Variants in AGT observed in about 807,000 individuals in gnomAD.
AGT encodes the protein angiotensinogen.
Under a neutral mutation model 28.1 loss-of-function variants are expected in AGT, and 26 were observed. That is an observed-to-expected ratio of 0.92 (90% confidence interval 0.68 to 1.28). The LOEUF (loss-of-function observed/expected upper bound fraction) is 1.28. Among genes scored for constraint, AGT ranks in the 50% most tolerant of loss-of-function variants. The probability of loss-of-function intolerance (pLI) is 0.00; values close to 1 mark genes in which losing one functional copy is unlikely to be tolerated. For synonymous variants in AGT, 259 were observed against 259.6 expected (o/e 1.00, Z 0.02); for missense variants, 596 against 592.3 (o/e 1.01, Z -0.06).
chr1:230,743,991 T>C (rs1173128064), intron 1 of AGT, among the ~76,000 whole-genome samples: 1 of 152,236 alleles, frequency 6.6e-6, no homozygotes, highest in Non-Finnish European at 1.5e-5. Flanking sequence ...TTCAGCAGAT[T>C]GCTCTGCTAA....
chr1:230,721,037 A>G (rs1187793045), intron 1 of AGT, among the ~76,000 whole-genome samples: 6 of 152,256 alleles, frequency 3.9e-5, no homozygotes, highest in Non-Finnish European at 1.5e-5. Context: ...AGTGTGCCCC[A>G]AGCAAGGCCT....
intron 3 of AGT, 66 bp downstream of exon 3, chr1:230,705,867 C>A (rs1663369153): frequency 1.3e-6 from 2 of 1,597,336 alleles, no homozygotes; most frequent in Non-Finnish European, 1.7e-6. Context: ...CTACTCCCCA[C>A]CCCGCCCCCA....
At chr1:230,718,311 A>G (rs1663778903), upstream of AGT, among the ~76,000 whole-genome samples, 2 of 152,124 alleles carry the variant, frequency 1.3e-5, no homozygotes, top group African/African-American at 4.8e-5. Context: ...ATATTTTGAT[A>G]TGAAGATAGT....
intron 3 of AGT, 88 bp from the exon 4 acceptor site, chr1:230,704,425 C>A: frequency 1.3e-6 from 2 of 1,512,976 alleles, no homozygotes; most frequent in Non-Finnish European, 9.0e-7. Context: ...TCCTTGCACC[C>A]AACCCTGACG....
intron 4 of AGT, 113 bp downstream of exon 4, chr1:230,704,080 C>T: frequency 6.5e-7 from 1 of 1,531,424 alleles, no homozygotes; most frequent in Non-Finnish European, 9.0e-7. Flanking sequence ...CTCTCCGCTC[C>T]CTCTTGCCCT....
At chr1:230,727,275 C>A (rs1473638558) in intron 1 of AGT, among the ~76,000 whole-genome samples, 1 of 152,214 alleles carries the variant, frequency 6.6e-6, no homozygotes, top group African/African-American at 2.4e-5. Flanking sequence ...GGAATTGTTA[C>A]TTATGCCTTA....
intron 4 of AGT, 84 bp downstream of exon 4, chr1:230,704,109 C>T (rs1277105466): frequency 3.5e-5 from 56 of 1,605,328 alleles, no homozygotes; most frequent in Non-Finnish European, 4.8e-5. Flanking sequence ...CACCCATAGC[C>T]TCCTCTGTGT....
intron 1 of AGT, among the ~76,000 whole-genome samples, chr1:230,727,660 T>G (rs1408285493): frequency 6.6e-6 from 1 of 152,216 alleles, no homozygotes; most frequent in African/African-American, 2.4e-5. Context: ...TTATGTCCCC[T>G]AAAAGGCACC....
intron 2 of AGT, among the ~76,000 whole-genome samples, chr1:230,707,001 G>C (rs528894438): frequency 6.6e-6 from 1 of 152,158 alleles, no homozygotes; most frequent in South Asian, 2.1e-4. Context: ...CGCAGGCCCC[G>C]GAAACGAGGG....
chr1:230,706,744 A>C (rs992403015), intron 2 of AGT, among the ~76,000 whole-genome samples: 1 of 152,064 alleles, frequency 6.6e-6, no homozygotes, highest in Non-Finnish European at 1.5e-5. Context: ...ACGAACCTAC[A>C]CTGACACGTC....
upstream of AGT, among the ~76,000 whole-genome samples, chr1:230,716,523 T>A (rs1977412): frequency 5.3e-5 from 8 of 152,070 alleles, no homozygotes; most frequent in Admixed American, 5.2e-4. Flanking sequence ...CCATGTGTCA[T>A]GGGAGGGACC....
chr1:230,740,564 T>A (rs1664229507), intron 1 of AGT, among the ~76,000 whole-genome samples: 2 of 152,174 alleles, frequency 1.3e-5, no homozygotes, highest in Admixed American at 1.3e-4. Flanking sequence ...TTAAAATGAA[T>A]AAGAGTGTCA....
At chr1:230,716,912 G>GA (rs1167255251), upstream of AGT, among the ~76,000 whole-genome samples, 1 of 150,370 alleles carries the variant, frequency 6.7e-6, no homozygotes, top group South Asian at 2.1e-4. Context: ...GATATGTAGG[G>GA]AAAAAAAAGA....
chr1:230,739,112 C>G (rs1014617314), intron 1 of AGT, among the ~76,000 whole-genome samples: 2 of 151,870 alleles, frequency 1.3e-5, no homozygotes, highest in African/African-American at 4.8e-5. Flanking sequence ...AACCCCAGCA[C>G]TTTGGGAGGC....
intron 1 of AGT, among the ~76,000 whole-genome samples, chr1:230,720,781 C>G (rs1330422112): frequency 1.3e-5 from 2 of 150,904 alleles, no homozygotes; most frequent in Non-Finnish European, 2.9e-5. Context: ...ATTCTGAGTC[C>G]ATAAAAAGCC....
chr1:230,704,255 C>T lies in AGT; in HGVS notation c.1180G>A (p.Ala394Thr), dbSNP rs147243938. ...QDLLAQAELPAILHTELNLQK... is the reference protein window; with the variant it reads ...QDLLAQAELPTILHTELNLQK... ...AGGTTCAGCTCGGTGTGCAGAATGGCGGGCAGCTCAGCCTGGGCGAGCAGG... is the reference window on the plus strand; with the variant it reads ...AGGTTCAGCTCGGTGTGCAGAATGGTGGGCAGCTCAGCCTGGGCGAGCAGG... Residue 394 changes from alanine (A) to threonine (T), a missense_variant, in exon 4 of 5, where the codon GCC (alanine) becomes ACC (threonine). By Grantham distance (58) the Ala-to-Thr change is moderately conservative. Transcript: ENST00000366667. 152 of 1,614,110 alleles carry T rather than the reference C, an allele frequency of 9.4e-5. No homozygotes were observed. The highest frequency in any genetic ancestry group is 1.3e-4 in the Non-Finnish European group (149 of 1,180,056).
intron 1 of AGT, 42 bp from the exon 2 acceptor site, chr1:230,710,895 T>C (rs956864875): frequency 6.2e-7 from 1 of 1,600,218 alleles, no homozygotes; most frequent in African/African-American, 1.3e-5. Flanking sequence ...GGTTATTAAC[T>C]GACCTTTAAG....
chr1:230,705,746 C>T (rs1240182837), intron 3 of AGT, among the ~76,000 whole-genome samples, 187 bp downstream of exon 3: 1 of 152,224 alleles, frequency 6.6e-6, no homozygotes, highest in African/African-American at 2.4e-5. Flanking sequence ...AACTGGAGAG[C>T]TGGGTGCTGG....
intron 1 of AGT, among the ~76,000 whole-genome samples, chr1:230,728,936 C>G (rs1571985410): frequency 6.6e-6 from 1 of 152,198 alleles, no homozygotes; most frequent in Non-Finnish European, 1.5e-5. Context: ...GCAGAGCCTG[C>G]CAGGCAGTGA....
Sources: gnomAD v4.1 joint callset for allele counts (sites outside exome capture counted in the v4.1 genomes callset) on GRCh38, gnomAD v4.1.1 for gene constraint, MANE v1.5 for transcripts, NCBI Gene and HGNC (gene_info 2026-07-23, HGNC 2026-07-21) for gene names.